Variants in PEX1 observed in about 807,000 individuals in gnomAD.
The protein encoded by PEX1 is peroxisomal biogenesis factor 1, also known as peroxisomal ATPase PEX1.
In PEX1, 97 loss-of-function variants were observed where a neutral mutation model predicts 152.5. The ratio of observed to expected loss-of-function variants is 0.64; its 90% confidence interval spans 0.54 to 0.75. The LOEUF is 0.75. Among genes scored for constraint, PEX1 ranks in the 30% least tolerant of loss-of-function variants. The pLI is 0.00. For synonymous variants in PEX1, 485 were observed against 531.6 expected, an observed-to-expected ratio of 0.91 and a Z score of 1.21; for missense variants, 1,357 against 1,516.3, an observed-to-expected ratio of 0.89 and a Z score of 1.74.
intron 12 of PEX1, among the ~76,000 whole-genome samples, chr7:92,504,012 G>A (rs974057122): frequency 6.6e-5 from 10 of 151,968 alleles, no homozygotes; most frequent in African/African-American, 1.9e-4. Flanking sequence ...GCTTTTGCCT[G>A]TAGACCACGC....
At chr7:92,493,984 G>A (rs1433526486) in intron 19 of PEX1, 1 of 317,624 alleles carries the variant, frequency 3.1e-6, no homozygotes, top group African/African-American at 2.2e-5. Context: ...TTTTTTGACA[G>A]GATAATGGAA....
intron 17 of PEX1, among the ~76,000 whole-genome samples, chr7:92,495,410 A>G (rs1344949228): frequency 3.3e-5 from 5 of 152,132 alleles, no homozygotes; most frequent in African/African-American, 1.2e-4. Context: ...CTGCTACTTG[A>G]ATGTTTGGCA....
intron 11 of PEX1, 60 bp from the exon 12 acceptor site, chr7:92,504,962 T>A: frequency 7.6e-7 from 1 of 1,321,412 alleles, no homozygotes; most frequent in East Asian, 2.3e-5. Flanking sequence ...AAATTCAGGT[T>A]GTCCTTTTGA....
intron 19 of PEX1, chr7:92,494,031 T>G: frequency 2.4e-6 from 1 of 414,590 alleles, no homozygotes. Flanking sequence ...TGTGAAAATA[T>G]AATACATTAG....
chr7:92,523,881 T>C (rs929660347), intron 1 of PEX1, among the ~76,000 whole-genome samples: 2 of 152,048 alleles, frequency 1.3e-5, no homozygotes, highest in Admixed American at 1.3e-4. Flanking sequence ...ATTAATTTAT[T>C]TATATCAAAA....
rs1295172159 is a variant in PEX1 at position 92,525,017 on chromosome 7, T to C, written c.130-2772A>G. 4.6e-5 allele frequency among the ~76,000 whole-genome samples: 7 copies of C among 152,278 alleles called. No individual in the cohort carries two copies. The East Asian group carries it at 1.2e-3, about 25-fold the overall frequency. ...CTGAAAAAAGGAAAAATGAACCTTA[T>C]TGAGGAGGAAAAATACTTCTAATTA... On this transcript the variant is annotated intron_variant, in intron 1 of 23. Coordinates refer to ENST00000248633, the MANE Select transcript of PEX1 (RefSeq NM_000466.3).
chr7:92,503,803 T>TC (rs1792047510), intron 12 of PEX1, among the ~76,000 whole-genome samples: 1 of 152,068 alleles, frequency 6.6e-6, no homozygotes. Flanking sequence ...GATTTCAAAA[T>TC]TTGAGATTAA....
At position 92,489,867 on chromosome 7, in the gene PEX1, C is replaced by A; in HGVS notation, c.3483G>T (p.Leu1161Phe). ...ACTGGTCTTTCCCAGGAACTCCAGG[C>A]AAATCCTGAGTCATGGAGCTTGGTG... is the stretch of plus-strand genomic sequence containing the variant. ...LSAPSSMTQD[L>F]PGVPGKDQLF... is the part of the protein sequence containing the mutation. Residue 1161 changes from leucine to phenylalanine, a missense_variant, in exon 22 of 24, where the codon TTG (leucine) becomes TTT (phenylalanine). Coordinates refer to ENST00000248633, the MANE Select transcript of PEX1 (RefSeq NM_000466.3). The A allele has an allele frequency of 6.2e-7, 1 of 1,614,044 alleles. No homozygotes were observed. The highest frequency in any genetic ancestry group is 2.2e-5 in the East Asian group (1 of 44,884).
At chr7:92,506,140 G>A in intron 11 of PEX1, 108 bp downstream of exon 11, 1 of 585,616 alleles carries the variant, frequency 1.7e-6, no homozygotes, top group South Asian at 2.2e-5. Flanking sequence ...AAACAGAAAA[G>A]TTAAAGACTA....
intron 16 of PEX1, among the ~76,000 whole-genome samples, chr7:92,497,307 G>A (rs1188197924): frequency 6.6e-6 from 1 of 152,086 alleles, no homozygotes; most frequent in Admixed American, 6.5e-5. Context: ...ATAAGTGAAT[G>A]GTGTAAGAAG....
intron 19 of PEX1, chr7:92,493,543 G>C (rs1271636329): frequency 1.3e-5 from 2 of 157,788 alleles, no homozygotes; most frequent in Non-Finnish European, 2.8e-5. Flanking sequence ...GGAGGCTGAG[G>C]TGGGGAGATT....
In PEX1 at chr7:92,502,066, T is replaced by G. The variant is rs200207576; in HGVS notation, c.2240A>C (p.Glu747Ala). Residue 747 changes from glutamate to alanine, a missense_variant, in exon 14 of 24, where the codon GAA becomes GCA. By Grantham distance (107) the Glu-to-Ala change is moderately radical. Coordinates refer to ENST00000248633, the MANE Select transcript of PEX1 (RefSeq NM_000466.3). ...IQPPNQEQRCEILCNVIKNKL... is the reference protein window; with the variant it reads ...IQPPNQEQRCAILCNVIKNKL... Reference sequence around the variant, plus strand: ...ATTTTTTATTACATTACACAGAATTTCACATCTTTGTTCCTAAAGAAAAAA... The same window carrying G: ...ATTTTTTATTACATTACACAGAATTGCACATCTTTGTTCCTAAAGAAAAAA... 7.5e-6 allele frequency: 12 copies of G among 1,603,764 alleles called. No homozygotes were observed. The highest frequency in any genetic ancestry group is 2.2e-5 in the East Asian group (1 of 44,802).
chr7:92,496,473 C>T (rs551343246), intron 17 of PEX1, among the ~76,000 whole-genome samples: 14 of 152,196 alleles, frequency 9.2e-5, no homozygotes, highest in East Asian at 1.9e-4. Flanking sequence ...ATAACCACTT[C>T]GATTCCACTT....
intron 11 of PEX1, 79 bp from the exon 12 acceptor site, chr7:92,504,981 G>A (rs1315014441): frequency 9.9e-7 from 1 of 1,009,280 alleles, no homozygotes; most frequent in African/African-American, 1.6e-5. Flanking sequence ...GAAAGCACTA[G>A]AAAAGCTCGA....
chr7:92,502,135 G>T (rs1181167026), intron 13 of PEX1, 56 bp from the exon 14 acceptor site: 23 of 1,228,842 alleles, frequency 1.9e-5, no homozygotes, highest in Non-Finnish European at 2.7e-5. Context: ...GTATATTTTT[G>T]AATGTATATT....
Position 92,506,272 on chromosome 7 carries a change from T to G in PEX1, c.1876A>C (p.Arg626=). 1.2e-6 allele frequency: 2 copies of G among 1,606,088 alleles called. No individual in the cohort carries two copies. Among genetic ancestry groups the G allele is most frequent in the Non-Finnish European group, 1.7e-6 (2 of 1,172,932 alleles). The part of the protein sequence containing the change: ...AFDKLDAHVE[R]VDCKALRGKR... ...CCTCGTAAAGCTTTACAGTCAACTCTCTCCACATGGGCATCCAGTTTGTCA... is the reference window on the plus strand; with the variant it reads ...CCTCGTAAAGCTTTACAGTCAACTCGCTCCACATGGGCATCCAGTTTGTCA... Residue 626 remains arginine (R), a synonymous_variant, in exon 11 of 24, where the codon AGA becomes CGA. Coordinates refer to ENST00000248633, the MANE Select transcript of PEX1 (RefSeq NM_000466.3).
In PEX1 at chr7:92,519,507, T is replaced by C. The variant is rs528103397; in HGVS notation, c.274-429A>G. On this transcript the variant is annotated intron_variant, in intron 2 of 23. Coordinates refer to ENST00000248633, the MANE Select transcript of PEX1 (RefSeq NM_000466.3). ...TAATTACAGAATGAAGAAAAATACA[T>C]CTCAGCATGACATGTTTTTCAAAAA... is the stretch of plus-strand genomic sequence containing the variant. Among the ~76,000 whole-genome samples the C allele has an allele frequency of 6.4e-4, 98 of 152,260 alleles. 2 individuals carry two copies. Among genetic ancestry groups the C allele is most frequent in the African/African-American group, 2.2e-3 (93 of 41,550 alleles).
chr7:92,498,070 A>G (rs1271032146), intron 16 of PEX1, among the ~76,000 whole-genome samples: 2 of 147,072 alleles, frequency 1.4e-5, no homozygotes, highest in Non-Finnish European at 3.0e-5. Flanking sequence ...GTCTCAGAGA[A>G]AAAAAAAAAA....
Position 92,511,601 on chromosome 7 carries a change from T to A in PEX1, c.1462A>T (p.Ile488Phe), listed in dbSNP as rs1792469490. ...LPLVISEEEF[I>F]KLETKDGLKE... ...TCACCATCTTTAGTTTCCAGCTTAA[T>A]AAATTCTTCCTCTGATATTACCAAA... Residue 488 changes from isoleucine (I) to phenylalanine (F), a missense_variant, in exon 7 of 24, where the codon ATT (isoleucine) becomes TTT (phenylalanine). Physicochemically the swap from Ile to Phe is conservative, Grantham distance 21. Coordinates refer to ENST00000248633, the MANE Select transcript of PEX1 (RefSeq NM_000466.3). 6.2e-7 allele frequency: 1 copy of A among 1,611,544 alleles called. No homozygotes were observed. Among genetic ancestry groups the A allele is most frequent in the African/African-American group, 1.3e-5 (1 of 74,906 alleles).
Sources: allele counts gnomAD v4.1 joint callset (sites outside exome capture counted in the v4.1 genomes callset), GRCh38; gene constraint gnomAD v4.1.1; transcripts MANE v1.5; gene names NCBI Gene and HGNC (gene_info 2026-07-23, HGNC 2026-07-21).